The following RUNDC3B variants were observed in gnomAD, a reference collection of about 807,000 sequenced individuals.
RUNDC3B encodes RUN domain-containing protein 3B.
Under a neutral mutation model 58.4 loss-of-function variants are expected in RUNDC3B, and 33 were observed. That is an observed-to-expected ratio of 0.56 (90% CI 0.43 to 0.75). The LOEUF is 0.75. Ranked by LOEUF, RUNDC3B falls within the 30% of genes least tolerant of loss-of-function variation. RUNDC3B has a pLI of 0.00. For missense variants in RUNDC3B, 501 were observed against 535.7 expected (o/e 0.94, Z 0.64); for synonymous variants, 193 against 195.2 (o/e 0.99, Z 0.10).
At chr7:87,778,332 A>G (rs1405177746) in intron 8 of RUNDC3B, among the ~76,000 whole-genome samples, 2 of 151,804 alleles carry the variant, frequency 1.3e-5, no homozygotes, top group Non-Finnish European at 2.9e-5. Context: ...AGTCCCAGCT[A>G]CTCAGGAGGC....
At chr7:87,645,085 T>TC (rs1822856345) in intron 1 of RUNDC3B, among the ~76,000 whole-genome samples, 1 of 149,968 alleles carries the variant, frequency 6.7e-6, no homozygotes, top group African/African-American at 2.4e-5. Context: ...TTCTTTCTTT[T>TC]TTTTTTTTTT....
At chr7:87,698,168 C>G (rs1372463294) in intron 2 of RUNDC3B, among the ~76,000 whole-genome samples, 1 of 152,134 alleles carries the variant, frequency 6.6e-6, no homozygotes, top group Non-Finnish European at 1.5e-5. Flanking sequence ...GGCACGATCT[C>G]GGCTCACTGC....
chr7:87,783,140 A>AGTGT, intron 8 of RUNDC3B, among the ~76,000 whole-genome samples: 1 of 150,234 alleles, frequency 6.7e-6, no homozygotes, highest in South Asian at 2.1e-4. Context: ...CTCCAATGTC[A>AGTGT]GTGTGTGTGT....
At chr7:87,806,224 A>C (rs1048640657) in intron 8 of RUNDC3B, among the ~76,000 whole-genome samples, 1 of 152,188 alleles carries the variant, frequency 6.6e-6, no homozygotes, top group African/African-American at 2.4e-5. Context: ...CCATAAAATC[A>C]GAAATATCCA....
intron 2 of RUNDC3B, among the ~76,000 whole-genome samples, chr7:87,664,317 A>G (rs1041908058): frequency 6.6e-6 from 1 of 152,132 alleles, no homozygotes; most frequent in Non-Finnish European, 1.5e-5. Context: ...AGCCTGGGCA[A>G]CACAGCAAGA....
chr7:87,814,194 A>G (rs1457607285), intron 9 of RUNDC3B, among the ~76,000 whole-genome samples: 1 of 149,400 alleles, frequency 6.7e-6, no homozygotes, highest in East Asian at 2.0e-4. Flanking sequence ...TCTGCCTATC[A>G]GGTTCAAGCG....
chr7:87,779,330 A>G (rs1159027555), intron 8 of RUNDC3B, among the ~76,000 whole-genome samples: 3 of 152,158 alleles, frequency 2.0e-5, no homozygotes, highest in African/African-American at 7.2e-5. Context: ...TTTCTTGCAT[A>G]AGATTGATAT....
chr7:87,724,070 A>C (rs1176335124), intron 4 of RUNDC3B, among the ~76,000 whole-genome samples: 2 of 152,144 alleles, frequency 1.3e-5, no homozygotes, highest in Non-Finnish European at 2.9e-5. Context: ...AAAAAATTTA[A>C]AAACCACGTG....
chr7:87,647,866 C>G (rs931425778), intron 1 of RUNDC3B, among the ~76,000 whole-genome samples: 2 of 151,932 alleles, frequency 1.3e-5, no homozygotes, highest in Admixed American at 1.3e-4. Context: ...GGCCAACTTG[C>G]AGAGATGAAA....
rs538293695 is a variant in RUNDC3B at position 87,700,218 on chromosome 7, T to C, written c.239-203T>C. Among the ~76,000 whole-genome samples the C allele has an allele frequency of 1.2e-4, 18 of 152,270 alleles. No homozygotes were observed. The South Asian group carries it at 3.5e-3, about 30-fold the overall frequency. On this transcript the variant is annotated intron_variant, in intron 2 of 10. Transcript: ENST00000394654. The stretch of plus-strand genomic sequence containing the variant: ...TATGATCCAGACTCATTAAGTAAAT[T>C]AAGTAAATTTTCCAAACTAACACCA...
intron 4 of RUNDC3B, among the ~76,000 whole-genome samples, chr7:87,733,137 C>T (rs951039016): frequency 6.6e-6 from 1 of 152,122 alleles, no homozygotes; most frequent in African/African-American, 2.4e-5. Flanking sequence ...CAGGCGCCCC[C>T]CCATGCGTCT....
intron 6 of RUNDC3B, among the ~76,000 whole-genome samples, chr7:87,741,996 G>A (rs1057374422): frequency 9.9e-5 from 15 of 151,664 alleles, no homozygotes; most frequent in Non-Finnish European, 1.9e-4. Flanking sequence ...GTAAATTGTC[G>A]GAGCTATCCA....
intron 2 of RUNDC3B, among the ~76,000 whole-genome samples, chr7:87,668,132 G>C (rs1330477698): frequency 7.1e-6 from 1 of 140,496 alleles, no homozygotes; most frequent in Non-Finnish European, 1.6e-5. Context: ...TTTTTTTTTT[G>C]GTAGGCTATT....
At chr7:87,657,892 G>A (rs1824274082) in intron 2 of RUNDC3B, among the ~76,000 whole-genome samples, 1 of 152,032 alleles carries the variant, frequency 6.6e-6, no homozygotes, top group Non-Finnish European at 1.5e-5. Flanking sequence ...ATGAAGCAAT[G>A]CCCCCCTCCC....
At chr7:87,652,334 A>G (rs1039856289) in intron 2 of RUNDC3B, among the ~76,000 whole-genome samples, 3 of 152,064 alleles carry the variant, frequency 2.0e-5, no homozygotes, top group African/African-American at 4.8e-5. Context: ...TAGACTCACT[A>G]CTATGTAAGT....
chr7:87,634,541 A>G (rs996313982), intron 1 of RUNDC3B, among the ~76,000 whole-genome samples: 4 of 150,896 alleles, frequency 2.7e-5, no homozygotes, highest in African/African-American at 9.8e-5. Flanking sequence ...AGACAGGAGA[A>G]TCACTTGAAC....
chr7:87,816,911 TTTTC>T (rs1284674234), intron 10 of RUNDC3B, among the ~76,000 whole-genome samples: 1 of 152,220 alleles, frequency 6.6e-6, no homozygotes, highest in African/African-American at 2.4e-5. Context: ...TTCAAAGCTC[TTTTC>T]TTTCTCTCCT....
At chr7:87,661,629 T>A (rs900691369) in intron 2 of RUNDC3B, among the ~76,000 whole-genome samples, 73 of 152,156 alleles carry the variant, frequency 4.8e-4, no homozygotes, top group African/African-American at 1.8e-3. Context: ...TAGTACTCCC[T>A]TGTGTATATT....
chr7:87,746,809 C>CA (rs764812272), intron 6 of RUNDC3B, among the ~76,000 whole-genome samples: 1 of 152,176 alleles, frequency 6.6e-6, no homozygotes, highest in Non-Finnish European at 1.5e-5. Flanking sequence ...CATTTACATT[C>CA]AATGTCAGTA....
Sources: allele counts gnomAD v4.1 joint callset (sites outside exome capture counted in the v4.1 genomes callset), GRCh38; gene constraint gnomAD v4.1.1; transcripts MANE v1.5; gene names NCBI Gene and HGNC (gene_info 2026-07-23, HGNC 2026-07-21).